B3GALT1: variants seen among roughly 807,000 people sequenced by gnomAD.
B3GALT1 encodes the protein beta-1,3-galactosyltransferase 1.
A neutral mutation model predicts 23.2 loss-of-function variants in B3GALT1; 10 were observed. The ratio of observed to expected loss-of-function variants is 0.43; its 90% confidence interval spans 0.27 to 0.73. B3GALT1 has a LOEUF of 0.73. B3GALT1 is among the 30% of genes least tolerant of loss of function. The pLI is 0.21. For synonymous variants in B3GALT1, 156 were observed against 141.5 expected, an observed-to-expected ratio of 1.10 and a Z score of -0.73; for missense variants, 299 against 405.4, an observed-to-expected ratio of 0.74 and a Z score of 2.25.
At chr2:167,740,528 G>A (rs1279643645) in intron 3 of B3GALT1, among the ~76,000 whole-genome samples, 1 of 151,952 alleles carries the variant, frequency 6.6e-6, no homozygotes, top group Non-Finnish European at 1.5e-5. Flanking sequence ...ATTGTTATAG[G>A]ATGATAATAA....
chr2:167,767,181 G>A lies in B3GALT1; in HGVS notation c.-351-51491G>A, dbSNP rs11894994. 6.0e-3 allele frequency among the ~76,000 whole-genome samples: 909 copies of A among 152,306 alleles called. 7 individuals are homozygous for A. Among genetic ancestry groups the A allele is most frequent in the African/African-American group, 0.021 (860 of 41,568 alleles). On this transcript the variant is annotated intron_variant, in intron 3 of 4. Transcript: ENST00000392690. ...ATCTTAAATTTTCTGCCAGAATTAT[G>A]TAAGCTGAACCAATTGAGGTGTTGG... is the stretch of plus-strand genomic sequence containing the variant.
chr2:167,477,738 T>G (rs1699507171), intron 1 of B3GALT1, among the ~76,000 whole-genome samples: 1 of 152,162 alleles, frequency 6.6e-6, no homozygotes, highest in African/African-American at 2.4e-5. Context: ...GTCTAACAAT[T>G]TTAAAGAATG....
chr2:167,868,095 A>G (rs1397820034), intron 4 of B3GALT1, among the ~76,000 whole-genome samples: 4 of 152,200 alleles, frequency 2.6e-5, no homozygotes. Flanking sequence ...GTTTAGATCA[A>G]CTCCAAAATA....
At chr2:167,731,680 G>T (rs897724379) in intron 3 of B3GALT1, among the ~76,000 whole-genome samples, 1 of 152,100 alleles carries the variant, frequency 6.6e-6, no homozygotes, top group Non-Finnish European at 1.5e-5. Context: ...AGGAAACCAG[G>T]TTTTACTGCA....
chr2:167,669,122 G>T (rs141279766), intron 3 of B3GALT1, among the ~76,000 whole-genome samples: 3 of 152,036 alleles, frequency 2.0e-5, no homozygotes, highest in East Asian at 3.9e-4. Context: ...CCTTGTTGTG[G>T]TCTGTATCCT....
intron 3 of B3GALT1, among the ~76,000 whole-genome samples, chr2:167,742,095 CT>C (rs1443870062): frequency 2.1e-4 from 32 of 152,168 alleles, no homozygotes; most frequent in Admixed American, 2.0e-3. Context: ...TACTGATGCT[CT>C]TCTGTGCATC....
intron 2 of B3GALT1, among the ~76,000 whole-genome samples, chr2:167,550,025 T>A (rs1450564124): frequency 6.6e-6 from 1 of 152,218 alleles, no homozygotes; most frequent in African/African-American, 2.4e-5. Flanking sequence ...GTTTTGATTA[T>A]CTATAGTAGT....
chr2:167,682,082 C>T (rs1250763759), intron 3 of B3GALT1, among the ~76,000 whole-genome samples: 2 of 152,090 alleles, frequency 1.3e-5, no homozygotes, highest in African/African-American at 2.4e-5. Flanking sequence ...TTAATTTTCC[C>T]CTTGTTCTAT....
At chr2:167,379,837 A>G (rs1697820529) in intron 1 of B3GALT1, among the ~76,000 whole-genome samples, 1 of 152,176 alleles carries the variant, frequency 6.6e-6, no homozygotes. Context: ...CTAGGAAATC[A>G]CCTTGTCTTC....
intron 3 of B3GALT1, among the ~76,000 whole-genome samples, chr2:167,764,780 A>G (rs866919119): frequency 3.3e-5 from 5 of 152,300 alleles, no homozygotes; most frequent in African/African-American, 1.2e-4. Flanking sequence ...CCACAGAACT[A>G]TTAGAACGTA....
rs1232456205 is a variant in B3GALT1 at position 167,831,557 on chromosome 2, GAGAGAA to G, written c.-230+12773_-230+12778del. On this transcript the variant is annotated intron_variant, in intron 4 of 4. Coordinates refer to ENST00000392690, the MANE Select transcript of B3GALT1 (RefSeq NM_020981.4). ...AAAAATTAGAGTATTATCTCCAGAA[GAGAGAA>G]AGAGAAAGTGGTGCAGCGGGAAGAA... Among the ~76,000 whole-genome samples the G allele has an allele frequency of 6.6e-5, 10 of 152,288 alleles. No individual in the cohort carries two copies. The South Asian group carries it at 1.7e-3, about 25-fold the overall frequency.
chr2:167,725,111 C>T (rs895761878), intron 3 of B3GALT1, among the ~76,000 whole-genome samples: 2 of 152,166 alleles, frequency 1.3e-5, no homozygotes, highest in Non-Finnish European at 2.9e-5. Flanking sequence ...GGCATTTTAG[C>T]CCACAGCTCG....
At chr2:167,576,532 G>GTTT (rs1310083012) in intron 2 of B3GALT1, among the ~76,000 whole-genome samples, 2 of 110,982 alleles carry the variant, frequency 1.8e-5, no homozygotes, top group African/African-American at 3.3e-5. Context: ...TTTTTTTTTT[G>GTTT]TTTTTTTTTT....
chr2:167,860,648 T>C lies in B3GALT1; in HGVS notation c.-229-8163T>C, dbSNP rs28616104. On this transcript the variant is annotated intron_variant, in intron 4 of 4. Coordinates refer to ENST00000392690, the MANE Select transcript of B3GALT1 (RefSeq NM_020981.4). The stretch of plus-strand genomic sequence containing the variant: ...GAGATAGTATAAGATGTAGTAGTAT[T>C]TTGCAGTGAGACAGGAGAATTGTTT... Among the ~76,000 whole-genome samples the C allele has an allele frequency of 2.4e-3, 358 of 152,290 alleles. 4 individuals carry two copies. Among genetic ancestry groups the C allele is most frequent in the African/African-American group, 8.2e-3 (341 of 41,570 alleles).
At chr2:167,804,744 G>T (rs1292908866) in intron 3 of B3GALT1, among the ~76,000 whole-genome samples, 1 of 152,130 alleles carries the variant, frequency 6.6e-6, no homozygotes, top group Non-Finnish European at 1.5e-5. Context: ...CATTTGGCTT[G>T]GTTCCAAGTC....
chr2:167,340,961 A>G (rs2105247726), intron 1 of B3GALT1, among the ~76,000 whole-genome samples: 1 of 152,314 alleles, frequency 6.6e-6, no homozygotes, highest in South Asian at 2.1e-4. Context: ...AAAGATGAAA[A>G]GATGGAAAAC....
intron 2 of B3GALT1, among the ~76,000 whole-genome samples, chr2:167,615,800 A>C (rs1454123064): frequency 6.6e-6 from 1 of 152,100 alleles, no homozygotes; most frequent in Admixed American, 6.6e-5. Context: ...GTAGTAACTC[A>C]CTTAATCTTC....
intron 3 of B3GALT1, among the ~76,000 whole-genome samples, chr2:167,695,977 T>G (rs1686785985): frequency 6.6e-6 from 1 of 152,094 alleles, no homozygotes; most frequent in African/African-American, 2.4e-5. Flanking sequence ...ACACATCCCT[T>G]AGGTCATATT....
intron 2 of B3GALT1, among the ~76,000 whole-genome samples, chr2:167,575,441 A>G (rs900705454): frequency 2.0e-5 from 3 of 151,802 alleles, no homozygotes; most frequent in African/African-American, 7.2e-5. Context: ...GTCTTCATAC[A>G]GATCATTCAT....
Sources: allele counts gnomAD v4.1 joint callset (sites outside exome capture counted in the v4.1 genomes callset), GRCh38; gene constraint gnomAD v4.1.1; transcripts MANE v1.5; gene names NCBI Gene and HGNC (gene_info 2026-07-23, HGNC 2026-07-21).